Variants in GPHN observed in about 807,000 individuals in gnomAD.
GPHN encodes the protein gephyrin.
A neutral mutation model predicts 95.5 loss-of-function variants in GPHN; 17 were observed. The ratio of observed to expected loss-of-function variants is 0.18; its 90% CI spans 0.12 to 0.27. The LOEUF (loss-of-function observed/expected upper bound fraction) is 0.27, where lower values mean the gene tolerates loss of function less well. GPHN is among the 10% of genes least tolerant of loss of function. The probability of loss-of-function intolerance (pLI) is 1.00; values close to 1 mark genes in which losing one functional copy is unlikely to be tolerated. For synonymous variants in GPHN, 320 were observed against 322.5 expected, an observed-to-expected ratio of 0.99 and a Z score of 0.08; for missense variants, 660 against 978.1, an observed-to-expected ratio of 0.67 and a Z score of 4.34.
the GPHN span, among the ~76,000 whole-genome samples, chr14:67,482,896 GTAA>G: frequency 6.6e-6 from 1 of 152,180 alleles, no homozygotes; most frequent in Non-Finnish European, 1.5e-5. Flanking sequence ...CCAAGTCACA[GTAA>G]TAATAATAAC....
intron 18 of GPHN, 145 bp downstream of exon 18, chr14:67,143,594 C>T (rs2080634788): frequency 1.4e-6 from 1 of 709,578 alleles, no homozygotes; most frequent in South Asian, 1.5e-5. Flanking sequence ...TTACTGGTCT[C>T]TTTAAAAGGG....
intron 2 of GPHN, among the ~76,000 whole-genome samples, chr14:66,775,616 T>C (rs1052685815): frequency 3.3e-5 from 5 of 152,194 alleles, no homozygotes; most frequent in Non-Finnish European, 7.4e-5. Context: ...AACTCATTCA[T>C]TTCCTAGTTC....
intron 5 of GPHN, among the ~76,000 whole-genome samples, chr14:66,903,862 G>A (rs1463707082): frequency 6.6e-6 from 1 of 152,074 alleles, no homozygotes. Context: ...CTTATAACAA[G>A]TTATTTTAAA....
chr14:67,348,395 T>TG, the GPHN span, among the ~76,000 whole-genome samples: 1 of 151,930 alleles, frequency 6.6e-6, no homozygotes, highest in East Asian at 1.9e-4. Context: ...TTGGTAAAGA[T>TG]GGGGTTTCAC....
the GPHN span, chr14:67,678,217 C>T: frequency 1.3e-6 from 1 of 773,386 alleles, no homozygotes; most frequent in Middle Eastern, 2.7e-4. Context: ...AGGTTTTGCT[C>T]TCTTTGTGCT....
At chr14:66,935,276 T>C (rs1274443680) in intron 8 of GPHN, among the ~76,000 whole-genome samples, 1 of 152,110 alleles carries the variant, frequency 6.6e-6, no homozygotes, top group Admixed American at 6.5e-5. Context: ...TGACAGAAAT[T>C]AAATCTTCTG....
At chr14:67,036,540 C>CAG (rs58602362) in intron 10 of GPHN, among the ~76,000 whole-genome samples, 198 of 148,334 alleles carry the variant, frequency 1.3e-3, no homozygotes, top group Non-Finnish European at 1.9e-3. Flanking sequence ...CACACACACA[C>CAG]AGAGAAACAC....
At chr14:67,381,636 A>C in the GPHN span, 57 of 1,613,634 alleles carry the variant, frequency 3.5e-5, no homozygotes, top group Admixed American at 9.3e-4. Flanking sequence ...TTGATGCTGT[A>C]AAAGAAGCCC....
At chr14:66,610,523 G>T (rs2062735638) in intron 1 of GPHN, among the ~76,000 whole-genome samples, 1 of 151,948 alleles carries the variant, frequency 6.6e-6, no homozygotes, top group Non-Finnish European at 1.5e-5. Flanking sequence ...GCACTTCCTG[G>T]CTGTGTCTAG....
intron 4 of GPHN, among the ~76,000 whole-genome samples, chr14:66,864,778 A>G (rs927180716): frequency 1.3e-5 from 2 of 152,018 alleles, no homozygotes; most frequent in Admixed American, 1.3e-4. Flanking sequence ...GTCTCAAAAA[A>G]AAAAAGTGGA....
At chr14:67,180,761 G>T (rs372227213) in intron 22 of GPHN, 43 bp from the exon 23 acceptor site, 12 of 1,602,166 alleles carry the variant, frequency 7.5e-6, no homozygotes, top group Non-Finnish European at 1.0e-5. Flanking sequence ...AACTGTATAC[G>T]CCATGATGCT....
At chr14:66,528,508 A>G (rs2058781454) in intron 1 of GPHN, among the ~76,000 whole-genome samples, 1 of 152,188 alleles carries the variant, frequency 6.6e-6, no homozygotes, top group Admixed American at 6.5e-5. Context: ...TGTCATTATG[A>G]TACTAGCTGG....
downstream of GPHN, among the ~76,000 whole-genome samples, chr14:67,182,997 C>A (rs1163464292): frequency 6.6e-6 from 1 of 151,894 alleles, no homozygotes; most frequent in African/African-American, 2.4e-5. Flanking sequence ...AGTTGTGAGA[C>A]ACCATGCCCA....
chr14:66,921,343 A>G (rs1383705979), intron 6 of GPHN, among the ~76,000 whole-genome samples: 2 of 151,798 alleles, frequency 1.3e-5, no homozygotes, highest in African/African-American at 4.8e-5. Context: ...TTCCCTGATC[A>G]TTAGTGATGT....
chr14:67,662,399 T>C, the GPHN span: 3 of 1,244,052 alleles, frequency 2.4e-6, no homozygotes, highest in Non-Finnish European at 3.5e-6. Context: ...AACAGTTAAT[T>C]TGTGATCAGC....
chr14:66,904,612 T>G (rs374803124), intron 5 of GPHN, among the ~76,000 whole-genome samples: 23 of 152,242 alleles, frequency 1.5e-4, no homozygotes, highest in African/African-American at 5.1e-4. Context: ...TGGCTTCACC[T>G]CTCAATGCCC....
intron 4 of GPHN, among the ~76,000 whole-genome samples, chr14:66,853,622 C>T (rs2062684751): frequency 6.6e-6 from 1 of 152,142 alleles, no homozygotes; most frequent in Non-Finnish European, 1.5e-5. Flanking sequence ...ACCACAAGAA[C>T]CAATGGGGGA....
chr14:67,578,638 G>A, the GPHN span: 3 of 1,561,796 alleles, frequency 1.9e-6, no homozygotes, highest in Non-Finnish European at 2.6e-6. The surrounding 1 kb of genome is among the most constrained non-coding windows in gnomAD (Gnocchi z 5.0). Flanking sequence ...CCAGGTGAGT[G>A]AACCTGGCCG....
chr14:66,695,486 A>G (rs1302038980), intron 2 of GPHN, among the ~76,000 whole-genome samples: 1 of 152,228 alleles, frequency 6.6e-6, no homozygotes, highest in African/African-American at 2.4e-5. Context: ...TTTAACATGC[A>G]TTCCAGCAGT....
Sources: gnomAD v4.1 joint callset for allele counts (sites outside exome capture counted in the v4.1 genomes callset) on GRCh38, gnomAD v4.1.1 for gene constraint, Gnocchi (gnomAD v3.1) non-coding constraint, MANE v1.5 for transcripts, NCBI Gene and HGNC (gene_info 2026-07-23, HGNC 2026-07-21) for gene names.